The following FANCE variants were observed in gnomAD, a reference collection of about 807,000 sequenced individuals.
FANCE encodes the protein FA complementation group E.
In FANCE, 42 loss-of-function variants were observed where a neutral mutation model predicts 57.8. The observed-to-expected ratio is 0.73, with a 90% confidence interval of 0.57 to 0.94. The LOEUF (loss-of-function observed/expected upper bound fraction) is 0.94. FANCE is among the 40% of genes least tolerant of loss of function. The probability of loss-of-function intolerance (pLI) is 0.00; values close to 1 mark genes in which losing one functional copy is unlikely to be tolerated. For missense variants in FANCE, 608 were observed against 661.8 expected, an observed-to-expected ratio of 0.92 and a Z score of 0.89; for synonymous variants, 251 against 286.4, an observed-to-expected ratio of 0.88 and a Z score of 1.25.
chr6:35,452,878 C>A, intron 1 of FANCE, 85 bp downstream of exon 1: 1 of 1,221,640 alleles, frequency 8.2e-7, no homozygotes, highest in Non-Finnish European at 1.0e-6. Flanking sequence ...GAAATAAGCC[C>A]CTTCAGCGAC....
At chr6:35,452,861 CAG>C (rs1767168190) in intron 1 of FANCE, 68 bp downstream of exon 1, 4 of 1,258,272 alleles carry the variant, frequency 3.2e-6, no homozygotes, top group Non-Finnish European at 4.0e-6. Flanking sequence ...ACGACACACA[CAG>C]AGGTGAAATA....
rs1357248527 is a variant in FANCE at position 35,458,331 on chromosome 6, A to G, written c.1004A>G (p.Gln335Arg). The G allele has an allele frequency of 6.2e-7, 1 of 1,614,010 alleles. No individual in the cohort carries two copies. The highest frequency in any genetic ancestry group is 1.7e-4 in the Middle Eastern group (1 of 6,058). The change falls in exon 5 of 10, where the codon CAG becomes CGG. Residue 335 changes from glutamine to arginine, a missense_variant. Transcript: ENST00000229769. ...DLLCAQLQLP[Q>R]LSDLGLLRLC... ...CTGTGTGCCCAGCTGCAGCTCCCTC[A>G]GCTCTCAGACCTCGGTCTCCTGCGG... is the stretch of plus-strand genomic sequence containing the variant.
intron 9 of FANCE, among the ~76,000 whole-genome samples, chr6:35,464,186 AT>A (rs1767708809): frequency 6.6e-6 from 1 of 151,004 alleles, no homozygotes; most frequent in Admixed American, 6.6e-5. Flanking sequence ...TGTCTCAGTC[AT>A]GGTTCTTTTA....
intron 9 of FANCE, among the ~76,000 whole-genome samples, chr6:35,463,296 C>T (rs1055269805): frequency 2.6e-5 from 4 of 151,838 alleles, no homozygotes; most frequent in Non-Finnish European, 1.5e-5. Context: ...GAGACTCCAT[C>T]TCAAAAACAA....
intron 1 of FANCE, among the ~76,000 whole-genome samples, chr6:35,454,838 G>A (rs1265350280): frequency 4.6e-5 from 7 of 152,204 alleles, no homozygotes; most frequent in Admixed American, 4.6e-4. Context: ...AGCCTTCTGT[G>A]TCCACAGCAG....
intron 7 of FANCE, among the ~76,000 whole-genome samples, chr6:35,459,985 A>G (rs1002989418): frequency 3.9e-5 from 6 of 152,010 alleles, no homozygotes; most frequent in Non-Finnish European, 8.8e-5. Context: ...GTGTCTCACT[A>G]CCAAATACTT....
chr6:35,458,662 G>C (rs1767455131), intron 5 of FANCE, among the ~76,000 whole-genome samples: 1 of 150,638 alleles, frequency 6.6e-6, no homozygotes, highest in African/African-American at 2.5e-5. Flanking sequence ...TTTTGAGAGA[G>C]AGTGTCTCAC....
chr6:35,462,159 G>A (rs1307559403), intron 8 of FANCE, among the ~76,000 whole-genome samples: 2 of 151,760 alleles, frequency 1.3e-5, no homozygotes, highest in African/African-American at 4.9e-5. Flanking sequence ...CCAGGCTGGA[G>A]TGCAGTGGCA....
chr6:35,458,276 C>A (rs898909148), intron 4 of FANCE, 21 bp from the exon 5 acceptor site: 2 of 1,612,354 alleles, frequency 1.2e-6, no homozygotes, highest in Admixed American at 1.7e-5. Flanking sequence ...TGTCCTCTCT[C>A]CCCCCGCACT....
Position 35,456,429 on chromosome 6 carries a change from G to A in FANCE, c.855+76G>A, listed in dbSNP as rs1354058073. On this transcript the variant is annotated intron_variant, in intron 2 of 9. Transcript: ENST00000229769. This position sits in a 1 kb window ranked among gnomAD's most constrained non-coding sequence, Gnocchi z 4.3. ...TTTATCCATGGGGAAGGCTGCTTGGGACACTTTTTCCCAATGGAGTTGACT... is the reference window on the plus strand; with the variant it reads ...TTTATCCATGGGGAAGGCTGCTTGGAACACTTTTTCCCAATGGAGTTGACT... The A allele has an allele frequency of 3.8e-6, 6 of 1,594,958 alleles. No individual in the cohort carries two copies. The highest frequency in any genetic ancestry group is 1.3e-5 in the African/African-American group (1 of 74,500).
intron 4 of FANCE, 148 bp from the exon 5 acceptor site, chr6:35,458,149 G>A: frequency 7.7e-7 from 1 of 1,293,102 alleles, no homozygotes; most frequent in African/African-American, 1.5e-5. Flanking sequence ...TTAGCCCTTG[G>A]TTCCTTCCCC....
chr6:35,454,602 A>G (rs956786222), intron 1 of FANCE, among the ~76,000 whole-genome samples: 3 of 152,174 alleles, frequency 2.0e-5, no homozygotes, highest in Non-Finnish European at 4.4e-5. Flanking sequence ...GCCTCAGCAG[A>G]ATTACAGATG....
chr6:35,459,276 A>G, intron 5 of FANCE, 55 bp from the exon 6 acceptor site: 1 of 1,607,196 alleles, frequency 6.2e-7, no homozygotes, highest in South Asian at 1.1e-5. Context: ...CATTTGATAA[A>G]TGCTGTTGAA....
At position 35,460,537 on chromosome 6, in the gene FANCE, G is replaced by A. The variant is rs758042602; in HGVS notation, c.1317-15G>A. ...GGGAGGCCAGGCATTTTTCACTAGG[G>A]CCTCTGCTTTGCAGACAGATCTTGG... On this transcript the variant is annotated splice_polypyrimidine_tract_variant and intron_variant, in intron 7 of 9. Transcript: ENST00000229769. 1.2e-6 allele frequency: 2 copies of A among 1,613,416 alleles called. No homozygotes were observed. The highest frequency in any genetic ancestry group is 2.7e-5 in the African/African-American group (2 of 74,908).
At position 35,466,246 on chromosome 6, in the gene FANCE, C is replaced by A. The variant is rs760228323; in HGVS notation, c.1512C>A (p.Ile504=). 4 of 1,605,980 alleles carry A rather than the reference C, an allele frequency of 2.5e-6. No individual in the cohort carries two copies. In the East Asian group the frequency reaches 6.7e-5, roughly 27 times the overall value. Residue 504 remains isoleucine, a splice_region_variant and synonymous_variant, in exon 10 of 10, where the codon ATC becomes ATA. Coordinates refer to ENST00000229769, the MANE Select transcript of FANCE (RefSeq NM_021922.3). ...LTVMTKYQAN[I]TETQRLGLAM... ...ACATGATTTTTCCTTCTCCCCAGAT[C>A]ACTGAGACCCAGAGGCTGGGCCTGG... is the stretch of plus-strand genomic sequence containing the variant.
At chr6:35,455,143 G>C (rs1167945161) in intron 1 of FANCE, among the ~76,000 whole-genome samples, 4 of 152,134 alleles carry the variant, frequency 2.6e-5, no homozygotes, top group African/African-American at 9.7e-5. Flanking sequence ...TTCTTCTTTT[G>C]TGTAAAACAA....
In FANCE at chr6:35,462,774, T is replaced by G; in HGVS notation, c.1384-15T>G. The G allele has an allele frequency of 6.2e-7, 1 of 1,614,064 alleles. No homozygotes were observed. The highest frequency in any genetic ancestry group is 2.2e-5 in the East Asian group (1 of 44,880). ...CCTTTCTTGTGATTACTGCTCCATCTCCCAATGTGTGCAGGTGGAGATGAC... is the reference window on the plus strand; with the variant it reads ...CCTTTCTTGTGATTACTGCTCCATCGCCCAATGTGTGCAGGTGGAGATGAC... On this transcript the variant is annotated splice_polypyrimidine_tract_variant and intron_variant, in intron 8 of 9. Coordinates refer to ENST00000229769, the MANE Select transcript of FANCE (RefSeq NM_021922.3).
intron 9 of FANCE, among the ~76,000 whole-genome samples, chr6:35,464,519 G>A (rs1435717275): frequency 2.6e-5 from 4 of 151,120 alleles, no homozygotes; most frequent in African/African-American, 9.7e-5. Context: ...TTACAGGTGT[G>A]AGCCACCGTG....
chr6:35,460,524 A>G, intron 7 of FANCE, 28 bp from the exon 8 acceptor site: 1 of 1,611,770 alleles, frequency 6.2e-7, no homozygotes, highest in Non-Finnish European at 8.5e-7. Context: ...GAGGCCAGGC[A>G]TTTTTCACTA....
Sources: allele counts gnomAD v4.1 joint callset (sites outside exome capture counted in the v4.1 genomes callset), GRCh38; gene constraint gnomAD v4.1.1; non-coding constraint Gnocchi (gnomAD v3.1); transcripts MANE v1.5; gene names NCBI Gene and HGNC (gene_info 2026-07-23, HGNC 2026-07-21).